GFRAL: variants seen among roughly 807,000 people sequenced by gnomAD.
GFRAL encodes GDNF family receptor alpha-like.
A neutral mutation model predicts 45.4 loss-of-function variants in GFRAL; 36 were observed. That is an observed-to-expected ratio of 0.79 (90% CI 0.61 to 1.05). The LOEUF is 1.05. Ranked by LOEUF, GFRAL falls within the 50% of genes least tolerant of loss-of-function variation. GFRAL has a pLI of 0.00. For missense variants in GFRAL, 507 were observed against 467.5 expected, an observed-to-expected ratio of 1.08 and a Z score of -0.78; for synonymous variants, 166 against 154.1, an observed-to-expected ratio of 1.08 and a Z score of -0.57.
intron 6 of GFRAL, among the ~76,000 whole-genome samples, chr6:55,390,475 A>G (rs1581759970): frequency 6.6e-6 from 1 of 152,354 alleles, no homozygotes; most frequent in South Asian, 2.1e-4. Context: ...ACAAGCAACA[A>G]GATCACTCTT....
intron 6 of GFRAL, among the ~76,000 whole-genome samples, chr6:55,381,811 C>A (rs559120811): frequency 4.6e-5 from 7 of 151,664 alleles, no homozygotes; most frequent in Non-Finnish European, 1.0e-4. Flanking sequence ...AAGACATTTC[C>A]CCTGCAAAAA....
chr6:55,371,795 A>T (rs1768454110), intron 6 of GFRAL, among the ~76,000 whole-genome samples: 2 of 152,248 alleles, frequency 1.3e-5, no homozygotes, highest in Non-Finnish European at 2.9e-5. Flanking sequence ...AAATAGAACT[A>T]AAGTATTCAT....
intron 6 of GFRAL, among the ~76,000 whole-genome samples, chr6:55,381,747 G>A (rs1356130063): frequency 6.6e-6 from 1 of 151,684 alleles, no homozygotes; most frequent in Non-Finnish European, 1.5e-5. Context: ...ATCACTGACT[G>A]TCTGAAGAAA....
At chr6:55,391,563 C>A (rs1264468449) in intron 6 of GFRAL, among the ~76,000 whole-genome samples, 1 of 151,920 alleles carries the variant, frequency 6.6e-6, no homozygotes, top group Admixed American at 6.6e-5. Flanking sequence ...CCAGCCTGGG[C>A]AATAATAGCA....
rs1229372881 is a variant in GFRAL at position 55,342,511 on chromosome 6, G to A, written c.317-7581G>A. Among the ~76,000 whole-genome samples, 6 of 152,220 alleles carry A rather than the reference G, an allele frequency of 3.9e-5. No individual in the cohort carries two copies. In the East Asian group the frequency reaches 5.8e-4, roughly 15 times the overall value. ...TCACCACTAGGCCTGCCCTAAAAGA[G>A]CTCCTGAAGGAAGCACTAAACATGG... is the stretch of plus-strand genomic sequence containing the variant. On this transcript the variant is annotated intron_variant, in intron 3 of 8. Transcript: ENST00000340465.
intron 6 of GFRAL, among the ~76,000 whole-genome samples, chr6:55,366,794 T>A (rs1430124334): frequency 8.6e-6 from 1 of 116,954 alleles, no homozygotes; most frequent in East Asian, 2.0e-4. Context: ...GATTGCACTG[T>A]GGTCTGAGAG....
chr6:55,359,791 C>T (rs995530942), intron 6 of GFRAL, among the ~76,000 whole-genome samples: 2 of 151,986 alleles, frequency 1.3e-5, no homozygotes, highest in African/African-American at 2.4e-5. Context: ...GCTACTGTCA[C>T]ATTTGTAATT....
chr6:55,399,377 A>G lies in GFRAL; in HGVS notation c.1057A>G (p.Ile353Val). The change falls in exon 8 of 9, where the codon ATC becomes GTC. Residue 353 changes from isoleucine (I) to valine (V), a missense_variant. Coordinates refer to ENST00000340465, the MANE Select transcript of GFRAL (RefSeq NM_207410.2). ...TCTTTTTCTTTTTCTAGGAGAAGTA[A>G]TCTATGCTGCCATGTGCATGACAGT... is the stretch of plus-strand genomic sequence containing the variant. ...GFHSPFNGEV[I>V]YAAMCMTVTC... The G allele has an allele frequency of 1.4e-5, 23 of 1,609,028 alleles. No individual in the cohort carries two copies. The highest frequency in any genetic ancestry group is 1.9e-5 in the Non-Finnish European group (22 of 1,176,256).
At chr6:55,377,350 C>T (rs1768548692) in intron 6 of GFRAL, among the ~76,000 whole-genome samples, 1 of 151,898 alleles carries the variant, frequency 6.6e-6, no homozygotes, top group Non-Finnish European at 1.5e-5. Context: ...TAGGCCAAAA[C>T]AATAGTTAAT....
At chr6:55,365,953 A>G (rs778147259) in intron 6 of GFRAL, among the ~76,000 whole-genome samples, 126 of 147,046 alleles carry the variant, frequency 8.6e-4, no homozygotes, top group Non-Finnish European at 9.9e-4. Context: ...TGCTGGCCTC[A>G]TAAAATGAGT....
At chr6:55,346,834 C>G (rs1002294082) in intron 3 of GFRAL, among the ~76,000 whole-genome samples, 1 of 56,560 alleles carries the variant, frequency 1.8e-5, no homozygotes, top group African/African-American at 4.7e-5. Context: ...CAAGAAATCC[C>G]CCCCCCCCAA....
intron 4 of GFRAL, among the ~76,000 whole-genome samples, chr6:55,350,875 A>C (rs1768107532): frequency 6.6e-6 from 1 of 152,180 alleles, no homozygotes; most frequent in Admixed American, 6.5e-5. Flanking sequence ...AATGTGCAAC[A>C]GAACAAGAAT....
intron 1 of GFRAL, among the ~76,000 whole-genome samples, chr6:55,329,730 T>C (rs1326108955): frequency 6.6e-6 from 1 of 152,088 alleles, no homozygotes; most frequent in South Asian, 2.1e-4. Context: ...AGAAAAATGT[T>C]ACCAAGCTAC....
chr6:55,369,203 T>G (rs1283112123), intron 6 of GFRAL, among the ~76,000 whole-genome samples: 1 of 151,988 alleles, frequency 6.6e-6, no homozygotes, highest in Non-Finnish European at 1.5e-5. Context: ...TGACCCGATT[T>G]TCCAGGTGCC....
intron 3 of GFRAL, among the ~76,000 whole-genome samples, chr6:55,340,729 G>C (rs1020152643): frequency 2.0e-5 from 3 of 152,166 alleles, no homozygotes. Flanking sequence ...GTGAGGCATT[G>C]CCTCACCCGG....
intron 3 of GFRAL, among the ~76,000 whole-genome samples, chr6:55,349,814 C>T (rs1343150158): frequency 6.7e-6 from 1 of 150,226 alleles, no homozygotes; most frequent in Non-Finnish European, 1.5e-5. Flanking sequence ...TTACTCCGTG[C>T]ACACAGTCTA....
intron 3 of GFRAL, among the ~76,000 whole-genome samples, chr6:55,343,843 G>A (rs1768003420): frequency 6.6e-6 from 1 of 151,986 alleles, no homozygotes; most frequent in Admixed American, 6.6e-5. Flanking sequence ...TGATAAAGGG[G>A]ATATCACCAT....
chr6:55,386,217 A>C (rs748592452), intron 6 of GFRAL, among the ~76,000 whole-genome samples: 25 of 152,232 alleles, frequency 1.6e-4, no homozygotes, highest in Admixed American at 3.3e-4. Context: ...AAAAATTCTA[A>C]ATAGCTAATA....
chr6:55,373,757 T>C (rs1768486930), intron 6 of GFRAL, among the ~76,000 whole-genome samples: 1 of 152,022 alleles, frequency 6.6e-6, no homozygotes, highest in Non-Finnish European at 1.5e-5. Context: ...ACTTTTTTTT[T>C]TTAAGTTCTG....
Sources: allele counts gnomAD v4.1 joint callset (sites outside exome capture counted in the v4.1 genomes callset), GRCh38; gene constraint gnomAD v4.1.1; transcripts MANE v1.5; gene names NCBI Gene and HGNC (gene_info 2026-07-23, HGNC 2026-07-21).